Variants in BMPER observed in about 807,000 individuals in gnomAD.
BMPER encodes the protein BMP binding endothelial regulator, also known as BMP-binding endothelial regulator protein.
In BMPER, 45 loss-of-function variants were observed where a neutral mutation model predicts 87.3. That is an observed-to-expected ratio of 0.52 (90% CI 0.41 to 0.66). BMPER has a LOEUF of 0.66. BMPER is among the 30% of genes least tolerant of loss of function. The pLI is 0.00. For missense variants in BMPER, 784 were observed against 867.5 expected, an observed-to-expected ratio of 0.90 and a Z score of 1.21; for synonymous variants, 326 against 316.2, an observed-to-expected ratio of 1.03 and a Z score of -0.33.
chr7:34,055,151 T>A lies in BMPER; in HGVS notation c.787-12T>A, dbSNP rs1788249007. The A allele has an allele frequency of 7.4e-6, 12 of 1,614,142 alleles. No homozygotes were observed. The highest frequency in any genetic ancestry group is 1.0e-5 in the Non-Finnish European group (12 of 1,180,004). ...ATCATTTTTAATTTCTATTTTGCCTTTGGGCCCCCAGGACTCTACTGTGGT... is the reference window on the plus strand; with the variant it reads ...ATCATTTTTAATTTCTATTTTGCCTATGGGCCCCCAGGACTCTACTGTGGT... On this transcript the variant is annotated splice_polypyrimidine_tract_variant and intron_variant, in intron 8 of 14. Transcript: ENST00000649409.
Position 33,985,088 on chromosome 7 carries a change from T to C in BMPER, c.576+10304T>C, listed in dbSNP as rs74641774. ...TTCCTTTTCAGCCAAATACAATCTA[T>C]TGACTTGTGAAAATAAAACCATAAT... On this transcript the variant is annotated intron_variant, in intron 6 of 14. Transcript: ENST00000649409. Among the ~76,000 whole-genome samples the C allele has an allele frequency of 3.7e-3, 568 of 152,338 alleles. 2 individuals carry two copies. Among genetic ancestry groups the C allele is most frequent in the Non-Finnish European group, 6.0e-3 (405 of 68,030 alleles).
In BMPER at chr7:34,079,412, A is replaced by G. The variant is rs1788954382; in HGVS notation, c.1408+226A>G. ...ACATTCGGACCGTATGGAGTCTTGCAATTGGATGCCAGTCCCACCAGTCTT... is the reference window on the plus strand; with the variant it reads ...ACATTCGGACCGTATGGAGTCTTGCGATTGGATGCCAGTCCCACCAGTCTT... On this transcript the variant is annotated intron_variant, in intron 12 of 14. Transcript: ENST00000649409. Among the ~76,000 whole-genome samples, 3 of 152,204 alleles carry G rather than the reference A, an allele frequency of 2.0e-5. No individual in the cohort carries two copies. In the South Asian group the frequency reaches 6.2e-4, roughly 31 times the overall value.
intron 13 of BMPER, among the ~76,000 whole-genome samples, chr7:34,091,626 G>C (rs1446088395): frequency 1.3e-5 from 2 of 152,190 alleles, no homozygotes; most frequent in Non-Finnish European, 2.9e-5. Context: ...CTGAGTTCAT[G>C]TCATTCTCCT....
chr7:34,085,913 T>C lies in BMPER; in HGVS notation c.1566T>C (p.Phe522=). Residue 522 remains phenylalanine (F), a synonymous_variant, in exon 13 of 15, where the codon TTT becomes TTC. Coordinates refer to ENST00000649409, the MANE Select transcript of BMPER (RefSeq NM_001365308.1). ...DGNFKFDVDD[F]AESWRVESNE... ...ACTTCAAGTTTGATGTGGATGACTT[T>C]GCTGAATCTTGGAGGGTGGAGTCCA... 6.2e-7 allele frequency: 1 copy of C among 1,614,174 alleles called. No individual in the cohort carries two copies.
chr7:34,110,457 G>A (rs1789931413), intron 13 of BMPER, among the ~76,000 whole-genome samples: 1 of 152,126 alleles, frequency 6.6e-6, no homozygotes, highest in South Asian at 2.1e-4. Flanking sequence ...AGATTGCGAA[G>A]CCTCCAGAGG....
intron 13 of BMPER, among the ~76,000 whole-genome samples, chr7:34,106,251 A>G (rs1309860930): frequency 1.3e-5 from 2 of 152,222 alleles, no homozygotes; most frequent in African/African-American, 4.8e-5. Flanking sequence ...ATAATTAGGC[A>G]TGATTGATTT....
intron 13 of BMPER, among the ~76,000 whole-genome samples, chr7:34,123,447 G>T (rs1790313415): frequency 6.6e-6 from 1 of 152,182 alleles, no homozygotes; most frequent in African/African-American, 2.4e-5. Flanking sequence ...GGTGTCACCT[G>T]GGAGTTTTCT....
intron 2 of BMPER, among the ~76,000 whole-genome samples, chr7:33,936,276 A>T (rs556971443): frequency 6.6e-6 from 1 of 152,118 alleles, no homozygotes; most frequent in African/African-American, 2.4e-5. Flanking sequence ...CTCCTCTCCA[A>T]CCTGCCCCGA....
chr7:33,946,276 C>T (rs1014673464), intron 3 of BMPER, among the ~76,000 whole-genome samples: 1 of 152,198 alleles, frequency 6.6e-6, no homozygotes, highest in East Asian at 1.9e-4. Context: ...TGGGTCCCTC[C>T]CATGACATGT....
At chr7:34,007,717 G>A (rs1786771601) in intron 6 of BMPER, among the ~76,000 whole-genome samples, 1 of 151,944 alleles carries the variant, frequency 6.6e-6, no homozygotes. Flanking sequence ...ATTTATGCAT[G>A]TAAGTATACA....
intron 14 of BMPER, among the ~76,000 whole-genome samples, chr7:34,143,594 A>T (rs2127994796): frequency 6.6e-6 from 1 of 152,328 alleles, no homozygotes; most frequent in Non-Finnish European, 1.5e-5. Context: ...AGCAATTTAA[A>T]GATTTCCACT....
intron 3 of BMPER, among the ~76,000 whole-genome samples, chr7:33,953,502 G>A (rs1785076996): frequency 6.6e-6 from 1 of 152,096 alleles, no homozygotes; most frequent in African/African-American, 2.4e-5. Context: ...TAGATTAGTG[G>A]GTCCTGAACC....
At chr7:33,908,851 C>T (rs4720144) in intron 2 of BMPER, among the ~76,000 whole-genome samples, 10 of 152,162 alleles carry the variant, frequency 6.6e-5, no homozygotes, top group Admixed American at 5.2e-4. Flanking sequence ...CAAGTTGTCA[C>T]AGTCATTGCT....
At chr7:34,017,270 G>A (rs981149956) in intron 6 of BMPER, among the ~76,000 whole-genome samples, 4 of 151,776 alleles carry the variant, frequency 2.6e-5, no homozygotes, top group African/African-American at 9.7e-5. Flanking sequence ...TATGAATCAC[G>A]ATGCTAATAA....
intron 12 of BMPER, among the ~76,000 whole-genome samples, chr7:34,081,873 C>T (rs190700360): frequency 1.3e-5 from 2 of 152,120 alleles, no homozygotes; most frequent in Non-Finnish European, 2.9e-5. Flanking sequence ...TTTGCACCTC[C>T]TCTCTCCTTT....
chr7:34,153,083 C>G lies in BMPER; in HGVS notation c.1877-9C>G, dbSNP rs1395114381. Reference sequence around the variant, plus strand: ...CCATGTTATGCCTTTGTCTCCTTCTCTTTTTCAGCCACCCAGTGTAAGCAT... The same window carrying G: ...CCATGTTATGCCTTTGTCTCCTTCTGTTTTTCAGCCACCCAGTGTAAGCAT... On this transcript the variant is annotated splice_polypyrimidine_tract_variant and intron_variant, in intron 14 of 14. Coordinates refer to ENST00000649409, the MANE Select transcript of BMPER (RefSeq NM_001365308.1). 3 of 1,613,830 alleles carry G rather than the reference C, an allele frequency of 1.9e-6. No homozygotes were observed. The highest frequency in any genetic ancestry group is 2.5e-6 in the Non-Finnish European group (3 of 1,179,898).
intron 2 of BMPER, among the ~76,000 whole-genome samples, chr7:33,912,610 A>T (rs1281955802): frequency 6.6e-6 from 1 of 152,214 alleles, no homozygotes; most frequent in Non-Finnish European, 1.5e-5. Context: ...AAACTAGTTA[A>T]TATGAATTTG....
intron 11 of BMPER, among the ~76,000 whole-genome samples, chr7:34,066,088 TCTTGGTAGTGTTTGGGGGCTGTCTCAG>T (rs1453988279): frequency 2.6e-5 from 4 of 152,244 alleles, no homozygotes; most frequent in South Asian, 2.1e-4. Flanking sequence ...TTAGTCTTAA[TCTTGGTAGTGTTTGGGGGCTGTCTCAG>T]ATCTCTGAAA....
chr7:34,038,641 T>TC (rs1348067209), intron 6 of BMPER, among the ~76,000 whole-genome samples: 5 of 152,318 alleles, frequency 3.3e-5, no homozygotes, highest in African/African-American at 1.2e-4. Context: ...CAGGCTTGGT[T>TC]CTCAAGACAG....
Sources: allele counts gnomAD v4.1 joint callset (sites outside exome capture counted in the v4.1 genomes callset), GRCh38; gene constraint gnomAD v4.1.1; transcripts MANE v1.5; gene names NCBI Gene and HGNC (gene_info 2026-07-23, HGNC 2026-07-21).